CDKL4: variants seen among roughly 807,000 people sequenced by gnomAD.
The protein encoded by CDKL4 is cyclin dependent kinase like 4, also known as cyclin-dependent kinase-like 4.
A neutral mutation model predicts 42.0 loss-of-function variants in CDKL4; 44 were observed. The ratio of observed to expected loss-of-function variants is 1.05; its 90% CI spans 0.82 to 1.35. The LOEUF (loss-of-function observed/expected upper bound fraction) is 1.35. CDKL4 is among the 40% of genes most tolerant of loss of function. CDKL4 has a pLI of 0.00. For synonymous variants in CDKL4, 120 were observed against 121.6 expected (o/e 0.99, Z 0.09); for missense variants, 393 against 369.9 (o/e 1.06, Z -0.51).
intron 2 of CDKL4, among the ~76,000 whole-genome samples, chr2:39,228,604 G>C (rs573800831): frequency 2.6e-5 from 4 of 152,250 alleles, no homozygotes; most frequent in African/African-American, 7.2e-5. Context: ...TGCGTACTCA[G>C]AAATGCAGAA....
chr2:39,190,202 T>G, intron 6 of CDKL4, 103 bp downstream of exon 6: 1 of 831,452 alleles, frequency 1.2e-6, no homozygotes, highest in South Asian at 2.7e-5. Flanking sequence ...GAAGAAGCAA[T>G]AAAACTCTTG....
intron 9 of CDKL4, chr2:39,178,699 T>C (rs186833055): frequency 6.2e-7 from 1 of 1,609,472 alleles, no homozygotes; most frequent in East Asian, 2.2e-5. Context: ...GTTTCATTCC[T>C]TTGTACCTGG....
At chr2:39,193,990 A>T (rs1676356219) in intron 5 of CDKL4, among the ~76,000 whole-genome samples, 1 of 152,236 alleles carries the variant, frequency 6.6e-6, no homozygotes, top group South Asian at 2.1e-4. Context: ...TCTCAGTAAT[A>T]AATGGTTCTA....
chr2:39,186,611 G>A (rs2148294754), intron 7 of CDKL4, among the ~76,000 whole-genome samples: 1 of 152,290 alleles, frequency 6.6e-6, no homozygotes, highest in East Asian at 1.9e-4. Flanking sequence ...GTAGAGAGAT[G>A]ATCCCTGTGA....
At chr2:39,170,951 C>T (rs115767354), downstream of CDKL4, among the ~76,000 whole-genome samples, 1,152 of 152,002 alleles carry the variant, frequency 7.6e-3, 15 homozygotes, top group African/African-American at 0.027. Flanking sequence ...TAAAGGAGCA[C>T]AAAACATCTT....
downstream of CDKL4, among the ~76,000 whole-genome samples, chr2:39,172,186 C>T (rs2148271377): frequency 6.6e-6 from 1 of 152,068 alleles, no homozygotes; most frequent in Non-Finnish European, 1.5e-5. Context: ...GTGGCACACA[C>T]CTGTAATCCC....
intron 9 of CDKL4, chr2:39,178,585 G>C (rs1451573645): frequency 6.4e-7 from 1 of 1,553,092 alleles, no homozygotes; most frequent in South Asian, 1.2e-5. Flanking sequence ...AGCAAGTGAA[G>C]GACAGTCACC....
chr2:39,195,473 T>A (rs1676450516), intron 5 of CDKL4, among the ~76,000 whole-genome samples: 1 of 152,170 alleles, frequency 6.6e-6, no homozygotes, highest in Non-Finnish European at 1.5e-5. Context: ...CTTGTTATTT[T>A]GTTCTGTGTG....
rs1454479122 is a variant in CDKL4, at chr2:39,178,527, C to A, written c.927+660G>T. The A allele has an allele frequency of 3.9e-6, 6 of 1,549,530 alleles. No homozygotes were observed. The South Asian group carries it at 7.2e-5, about 18-fold the overall frequency. Reference sequence around the variant, plus strand: ...GGTGAGAAAAAGCCCTGAACCAAAACAAACCTATTTCCATGGAGTTTACGA... The same window carrying A: ...GGTGAGAAAAAGCCCTGAACCAAAAAAAACCTATTTCCATGGAGTTTACGA... On this transcript the variant is annotated intron_variant, in intron 9 of 9. Coordinates refer to ENST00000451199, the Ensembl canonical transcript of CDKL4.
chr2:39,192,050 C>A (rs72927478), intron 5 of CDKL4, among the ~76,000 whole-genome samples: 12,117 of 152,114 alleles, frequency 0.08, 1,653 homozygotes, highest in African/African-American at 0.28. Context: ...GCTCATTGCT[C>A]TTTTATAAAG....
the CDKL4 span, among the ~76,000 whole-genome samples, chr2:39,170,601 C>T: frequency 3.9e-5 from 6 of 151,940 alleles, no homozygotes; most frequent in Non-Finnish European, 8.8e-5. Flanking sequence ...GGATTACAGG[C>T]GCCCGCCACC....
chr2:39,212,519 C>A (rs938312685), intron 4 of CDKL4, among the ~76,000 whole-genome samples: 2 of 152,074 alleles, frequency 1.3e-5, no homozygotes, highest in South Asian at 4.2e-4. Context: ...AGGCGTGAGC[C>A]ACCATGCCCG....
exon 10 of CDKL4, chr2:39,175,839 A>G (rs1675142127): frequency 6.6e-6 from 2 of 301,060 alleles, no homozygotes; most frequent in South Asian, 5.9e-5. Context: ...CATGTAAAAC[A>G]TGGGGAAAGG....
downstream of CDKL4, among the ~76,000 whole-genome samples, chr2:39,171,069 T>C (rs1451074796): frequency 1.3e-5 from 2 of 151,864 alleles, no homozygotes; most frequent in Non-Finnish European, 2.9e-5. Context: ...TGAAACCCCA[T>C]CTCTACTAAA....
At chr2:39,178,845 T>G in intron 9 of CDKL4, 2 of 1,512,278 alleles carry the variant, frequency 1.3e-6, no homozygotes, top group Non-Finnish European at 1.8e-6. Context: ...TTTGCAATGC[T>G]GGCAAAACTC....
intron 5 of CDKL4, among the ~76,000 whole-genome samples, chr2:39,194,883 G>A (rs909810087): frequency 6.6e-6 from 1 of 152,106 alleles, no homozygotes; most frequent in African/African-American, 2.4e-5. Context: ...TACATTCGGT[G>A]TTGCACAATC....
downstream of CDKL4, among the ~76,000 whole-genome samples, chr2:39,175,443 A>G (rs546364626): frequency 7.9e-5 from 12 of 152,332 alleles, no homozygotes; most frequent in East Asian, 1.9e-3. Context: ...AGACAGACAA[A>G]GGAGAGCCTG....
At chr2:39,230,586 G>A (rs937228556) in intron 1 of CDKL4, among the ~76,000 whole-genome samples, 1 of 152,084 alleles carries the variant, frequency 6.6e-6, no homozygotes, top group Non-Finnish European at 1.5e-5. Context: ...ATTACATGAT[G>A]ACTAAGGCCA....
At chr2:39,234,006 C>T (rs1432323470) in intron 1 of CDKL4, among the ~76,000 whole-genome samples, 3 of 150,522 alleles carry the variant, frequency 2.0e-5, no homozygotes, top group East Asian at 1.9e-4. Flanking sequence ...CTCTGCCTCC[C>T]GGGTTCAAGC....
Sources: allele counts gnomAD v4.1 joint callset (sites outside exome capture counted in the v4.1 genomes callset), GRCh38; gene constraint gnomAD v4.1.1; transcripts MANE v1.5; gene names NCBI Gene and HGNC (gene_info 2026-07-23, HGNC 2026-07-21).